HIVEP3: variants seen among roughly 807,000 people sequenced by gnomAD.
HIVEP3 encodes the protein transcription factor HIVEP3.
In HIVEP3, 49 loss-of-function variants were observed where a neutral mutation model predicts 152.8. The observed-to-expected ratio is 0.32, with a 90% CI of 0.26 to 0.41. The LOEUF (loss-of-function observed/expected upper bound fraction) is 0.41. HIVEP3 is among the 10% of genes least tolerant of loss of function. The probability of loss-of-function intolerance (pLI) is 1.00; values close to 1 mark genes in which losing one functional copy is unlikely to be tolerated. For missense variants in HIVEP3, 2,790 were observed against 3,103.3 expected (o/e 0.90, Z 2.40); for synonymous variants, 1,269 against 1,289.0 (o/e 0.98, Z 0.33).
chr1:41,775,298 T>C (rs1456873765), intron 1 of HIVEP3, among the ~76,000 whole-genome samples: 1 of 152,176 alleles, frequency 6.6e-6, no homozygotes, highest in Non-Finnish European at 1.5e-5. Context: ...CTGCGGAGCA[T>C]ATAAATTTGA....
intron 5 of HIVEP3, among the ~76,000 whole-genome samples, chr1:41,545,035 CCAATACCACTACCACCACCAT>C (rs1643700248): frequency 1.1e-5 from 1 of 87,852 alleles, no homozygotes; most frequent in African/African-American, 3.8e-5. Context: ...ACCACCACCA[CCAATACCACTACCACCACCAT>C]CACTACCACC....
At chr1:41,824,784 T>TATATATAGAGAGAG (rs1553266584) in intron 1 of HIVEP3, among the ~76,000 whole-genome samples, 11 of 11,376 alleles carry the variant, frequency 9.7e-4, no homozygotes, top group Non-Finnish European at 1.3e-3. Context: ...TATATATATA[T>TATATATAGAGAGAG]AGAGAGAGAG....
chr1:41,974,686 A>G (rs1282748866), intron 1 of HIVEP3, among the ~76,000 whole-genome samples: 1 of 152,080 alleles, frequency 6.6e-6, no homozygotes, highest in Non-Finnish European at 1.5e-5. Context: ...CTCCTCCAGG[A>G]AGCCTTCCTG....
chr1:41,955,551 T>C (rs1485381203), intron 1 of HIVEP3, among the ~76,000 whole-genome samples: 5 of 152,136 alleles, frequency 3.3e-5, no homozygotes, highest in African/African-American at 1.2e-4. Flanking sequence ...CCGTATTAAG[T>C]CCTGTGATGC....
At chr1:41,938,946 A>G (rs552132498) in intron 1 of HIVEP3, among the ~76,000 whole-genome samples, 2 of 152,152 alleles carry the variant, frequency 1.3e-5, no homozygotes, top group Non-Finnish European at 2.9e-5. Flanking sequence ...ACTTCATCGA[A>G]TATCTAGATC....
chr1:41,605,738 AAGAC>A lies in HIVEP3; in HGVS notation c.-521-20424_-521-20421del, dbSNP rs1357638251. On this transcript the variant is annotated intron_variant, in intron 3 of 8. Transcript: ENST00000372583. ...AGCAGAAAAGGGGATGAGTGGGAGAAAGACAGAAAGATGCTGGGGAAACCCTAAT... is the reference window on the plus strand; with the variant it reads ...AGCAGAAAAGGGGATGAGTGGGAGAAAGAAAGATGCTGGGGAAACCCTAAT... Among the ~76,000 whole-genome samples, 5 of 152,192 alleles carry A rather than the reference AAGAC, an allele frequency of 3.3e-5. No individual in the cohort carries two copies. The East Asian group carries it at 9.7e-4, about 29-fold the overall frequency.
chr1:41,705,198 C>A (rs575531867), intron 1 of HIVEP3, among the ~76,000 whole-genome samples: 28 of 152,350 alleles, frequency 1.8e-4, no homozygotes, highest in African/African-American at 6.7e-4. Flanking sequence ...TGGATGGACG[C>A]CTATGCCCAT....
rs1209387345 is a variant in HIVEP3, at chr1:41,686,499, T to C, written c.-721+14417A>G. 3.9e-5 allele frequency among the ~76,000 whole-genome samples: 6 copies of C among 152,356 alleles called. No individual in the cohort carries two copies. The East Asian group carries it at 1.2e-3, about 29-fold the overall frequency. On this transcript the variant is annotated intron_variant, in intron 2 of 8. Transcript: ENST00000372583. ...ATCCATCAAAAGCCCCGTACAGTTG[T>C]CTTCTTTTCTCCTTGACTTTGCCGT...
intron 1 of HIVEP3, among the ~76,000 whole-genome samples, chr1:41,972,525 C>T (rs591088): frequency 0.58 from 88,512 of 152,088 alleles, 26,131 homozygotes; most frequent in East Asian, 0.71. Flanking sequence ...AAACTGCCTT[C>T]CATGCAATTG....
Position 41,671,978 on chromosome 1 carries a change from T to C in HIVEP3, c.-721+28938A>G, listed in dbSNP as rs369430528. Among the ~76,000 whole-genome samples, 3 of 152,204 alleles carry C rather than the reference T, an allele frequency of 2.0e-5. No individual in the cohort carries two copies. In the East Asian group the frequency reaches 5.8e-4, roughly 29 times the overall value. On this transcript the variant is annotated intron_variant, in intron 2 of 8. Transcript: ENST00000372583. ...GAAAGTGGGGAGACCCTGGTGGGGA[T>C]TGGGCAGGGGCTGGGTGCAGTTGAG... is the stretch of plus-strand genomic sequence containing the variant.
rs116474381 is a variant in HIVEP3 at position 41,684,271 on chromosome 1, A to C, written c.-721+16645T>G. On this transcript the variant is annotated intron_variant, in intron 2 of 8. Coordinates refer to ENST00000372583, the MANE Select transcript of HIVEP3 (RefSeq NM_024503.5). Reference sequence around the variant, plus strand: ...GGGAAAGGGAAGCCCAGCCTGCTGGATTCCAGGTCACCACTTTGTTAGTCC... The same window carrying C: ...GGGAAAGGGAAGCCCAGCCTGCTGGCTTCCAGGTCACCACTTTGTTAGTCC... 2.6e-3 allele frequency among the ~76,000 whole-genome samples: 403 copies of C among 152,308 alleles called. 2 individuals carry two copies. Among genetic ancestry groups the C allele is most frequent in the African/African-American group, 9.2e-3 (382 of 41,562 alleles).
intron 1 of HIVEP3, among the ~76,000 whole-genome samples, chr1:41,881,374 G>A (rs1644258419): frequency 6.6e-6 from 1 of 152,076 alleles, no homozygotes; most frequent in Admixed American, 6.5e-5. Flanking sequence ...CCATAATTTG[G>A]GTCATAACAT....
At chr1:41,806,167 A>G (rs1213874777) in intron 1 of HIVEP3, among the ~76,000 whole-genome samples, 1 of 151,940 alleles carries the variant, frequency 6.6e-6, no homozygotes, top group Non-Finnish European at 1.5e-5. Flanking sequence ...TCTCCAGACA[A>G]ACACCCTCAC....
chr1:41,793,553 A>G (rs150822379), intron 1 of HIVEP3, among the ~76,000 whole-genome samples: 277 of 152,324 alleles, frequency 1.8e-3, no homozygotes, highest in African/African-American at 6.4e-3. Flanking sequence ...ATAAGCATTA[A>G]TTCATTAATT....
At position 41,584,407 on chromosome 1, in the gene HIVEP3, C is replaced by A; in HGVS notation, c.391G>T (p.Gly131Cys). 1 of 1,614,046 alleles carries A rather than the reference C, an allele frequency of 6.2e-7. No homozygotes were observed. The highest frequency in any genetic ancestry group is 8.5e-7 in the Non-Finnish European group (1 of 1,179,962). Residue 131 changes from glycine (G) to cysteine (C), a missense_variant, in exon 4 of 9, where the codon GGC (glycine) becomes TGC (cysteine). Transcript: ENST00000372583. This position sits in a 1 kb window ranked among gnomAD's most constrained non-coding sequence, Gnocchi z 5.2. The stretch of plus-strand genomic sequence containing the variant: ...TGGAGCCCAGGGGCCACGAAGGAGC[C>A]AGAGGGTCCAGGTCTCATGGGGTCA... The part of the protein sequence containing the change: ...LVDPMRPGPS[G>C]SFVAPGLHPQ...
chr1:41,863,394 C>T (rs190227010), intron 1 of HIVEP3, among the ~76,000 whole-genome samples: 166 of 152,252 alleles, frequency 1.1e-3, no homozygotes, highest in Non-Finnish European at 2.2e-3. Flanking sequence ...TCCTAGACAA[C>T]CCTGACTAAA....
In HIVEP3 at chr1:41,772,463, G is replaced by T. The variant is rs138073161; in HGVS notation, c.-800-71468C>A. Among the ~76,000 whole-genome samples, 9 of 152,264 alleles carry T rather than the reference G, an allele frequency of 5.9e-5. No individual in the cohort carries two copies. In the South Asian group the frequency reaches 1.5e-3, roughly 25 times the overall value. Reference sequence around the variant, plus strand: ...TCTCAAAGCTAATACTATGATGCACGGGAGAGGTGGCAGGGAAAGGAACAA... The same window carrying T: ...TCTCAAAGCTAATACTATGATGCACTGGAGAGGTGGCAGGGAAAGGAACAA... On this transcript the variant is annotated intron_variant, in intron 1 of 8. Transcript: ENST00000372583.
intron 1 of HIVEP3, among the ~76,000 whole-genome samples, chr1:41,755,813 A>G (rs559439292): frequency 1.3e-5 from 2 of 152,358 alleles, no homozygotes; most frequent in South Asian, 4.1e-4. Flanking sequence ...AATTAAAAAT[A>G]CTGACAATAC....
At chr1:41,941,659 T>C (rs1238921895) in intron 1 of HIVEP3, among the ~76,000 whole-genome samples, 1 of 152,142 alleles carries the variant, frequency 6.6e-6, no homozygotes, top group Non-Finnish European at 1.5e-5. Context: ...AGAAACACAG[T>C]AGAAAATACA....
Sources: allele counts gnomAD v4.1 joint callset (sites outside exome capture counted in the v4.1 genomes callset), GRCh38; gene constraint gnomAD v4.1.1; non-coding constraint Gnocchi (gnomAD v3.1); transcripts MANE v1.5; gene names NCBI Gene and HGNC (gene_info 2026-07-23, HGNC 2026-07-21).